The following NRG1 variants were observed in gnomAD, a reference collection of about 807,000 sequenced individuals.
The protein encoded by NRG1 is pro-neuregulin-1, membrane-bound isoform.
A neutral mutation model predicts 63.8 loss-of-function variants in NRG1; 18 were observed. The observed-to-expected ratio is 0.28, with a 90% CI of 0.19 to 0.42. The LOEUF (loss-of-function observed/expected upper bound fraction) is 0.42. Among genes scored for constraint, NRG1 ranks in the 10% least tolerant of loss-of-function variants. The pLI is 1.00. For synonymous variants in NRG1, 302 were observed against 301.3 expected, an observed-to-expected ratio of 1.00 and a Z score of -0.02; for missense variants, 762 against 814.7, an observed-to-expected ratio of 0.94 and a Z score of 0.79.
chr8:32,061,436 T>C (rs1366368857), intron 1 of NRG1, among the ~76,000 whole-genome samples: 1 of 152,024 alleles, frequency 6.6e-6, no homozygotes, highest in Non-Finnish European at 1.5e-5. Context: ...GAGCTTCCTT[T>C]ACCTACCCAA....
chr8:32,664,030 G>A (rs1018783966), intron 5 of NRG1, among the ~76,000 whole-genome samples: 1 of 152,234 alleles, frequency 6.6e-6, no homozygotes, highest in East Asian at 1.9e-4. Context: ...TACCACATAG[G>A]TGTTTGATTC....
At chr8:31,766,510 C>A (rs562396480) in intron 1 of NRG1, among the ~76,000 whole-genome samples, 2 of 152,112 alleles carry the variant, frequency 1.3e-5, no homozygotes, top group South Asian at 4.1e-4. Context: ...ACAACAAGCC[C>A]CTGTGCAAAC....
chr8:32,015,135 C>T (rs911352342), intron 1 of NRG1, among the ~76,000 whole-genome samples: 12 of 152,122 alleles, frequency 7.9e-5, no homozygotes, highest in African/African-American at 2.9e-4. Flanking sequence ...CCCCAGCAAA[C>T]AAATACAGCC....
intron 1 of NRG1, among the ~76,000 whole-genome samples, chr8:32,590,365 CATAG>C (rs1842311562): frequency 6.6e-6 from 1 of 152,102 alleles, no homozygotes; most frequent in Admixed American, 6.6e-5. Context: ...TCTAGAAACA[CATAG>C]AGAGCAAAAT....
chr8:32,657,465 A>G (rs1277169628), intron 5 of NRG1, among the ~76,000 whole-genome samples: 1 of 152,106 alleles, frequency 6.6e-6, no homozygotes, highest in Non-Finnish European at 1.5e-5. Context: ...TATAGAGTAG[A>G]TGGCCCAGAC....
chr8:32,227,522 TA>T (rs769175801), intron 1 of NRG1, among the ~76,000 whole-genome samples: 1 of 152,232 alleles, frequency 6.6e-6, no homozygotes, highest in Admixed American at 6.5e-5. Flanking sequence ...GGTAAACTGT[TA>T]AAGTCTTTGA....
intron 1 of NRG1, among the ~76,000 whole-genome samples, chr8:31,988,991 G>A (rs1038138767): frequency 1.3e-5 from 2 of 151,972 alleles, no homozygotes; most frequent in Non-Finnish European, 2.9e-5. Flanking sequence ...GCTCATGCCT[G>A]TAATCCCAGC....
chr8:31,859,561 C>T (rs561248493), intron 1 of NRG1, among the ~76,000 whole-genome samples: 1 of 152,180 alleles, frequency 6.6e-6, no homozygotes, highest in East Asian at 1.9e-4. Flanking sequence ...TCCCTTTCTA[C>T]AGACATAATT....
chr8:32,468,204 GAGAT>G (rs751776455), intron 1 of NRG1, among the ~76,000 whole-genome samples: 2 of 152,104 alleles, frequency 1.3e-5, no homozygotes, highest in Non-Finnish European at 2.9e-5. Context: ...CCTACTCTTT[GAGAT>G]AGAAAGTTAC....
intron 1 of NRG1, among the ~76,000 whole-genome samples, chr8:32,161,723 C>T (rs1309013566): frequency 6.6e-6 from 1 of 152,212 alleles, no homozygotes; most frequent in East Asian, 1.9e-4. Context: ...AAAGAGGATA[C>T]TCAGGAATCC....
At chr8:31,776,634 AC>A (rs1458209414) in intron 1 of NRG1, among the ~76,000 whole-genome samples, 10 of 151,866 alleles carry the variant, frequency 6.6e-5, no homozygotes, top group Non-Finnish European at 1.3e-4. Flanking sequence ...GGTGTGCTGC[AC>A]CCGTTAACTT....
chr8:32,070,809 A>C (rs541849504), intron 1 of NRG1, among the ~76,000 whole-genome samples: 24 of 152,334 alleles, frequency 1.6e-4, no homozygotes, highest in Non-Finnish European at 3.1e-4. Flanking sequence ...ATAAAGGACC[A>C]GTGGATTTTT....
At chr8:32,708,026 A>G (rs144210854) in intron 5 of NRG1, among the ~76,000 whole-genome samples, 1 of 152,088 alleles carries the variant, frequency 6.6e-6, no homozygotes. Context: ...AAAACAAAAT[A>G]ATAGTGGCAG....
intron 1 of NRG1, 79 bp from the exon 2 acceptor site, chr8:32,595,749 C>T: frequency 7.3e-7 from 1 of 1,371,586 alleles, no homozygotes; most frequent in Non-Finnish European, 9.9e-7. Context: ...CTTGATCAGG[C>T]TAACTCCAGA....
intron 1 of NRG1, among the ~76,000 whole-genome samples, chr8:32,308,897 T>C (rs1856516675): frequency 6.6e-6 from 1 of 152,210 alleles, no homozygotes; most frequent in African/African-American, 2.4e-5. Flanking sequence ...CCTTCCTCTA[T>C]GGCCTGGGGA....
chr8:31,807,684 G>A (rs1223513971), intron 1 of NRG1, among the ~76,000 whole-genome samples: 2 of 152,026 alleles, frequency 1.3e-5, no homozygotes, highest in African/African-American at 4.8e-5. Context: ...TGGATTTCTA[G>A]CATTTGTCTT....
At chr8:32,495,590 G>A (rs915254406) in intron 1 of NRG1, among the ~76,000 whole-genome samples, 1 of 152,068 alleles carries the variant, frequency 6.6e-6, no homozygotes, top group Admixed American at 6.5e-5. Context: ...ACCCTCCCGA[G>A]CAGCTGGGAT....
At chr8:32,422,048 T>C (rs1816761153) in intron 1 of NRG1, among the ~76,000 whole-genome samples, 1 of 152,154 alleles carries the variant, frequency 6.6e-6, no homozygotes, top group Non-Finnish European at 1.5e-5. Context: ...GTGTACATTA[T>C]GTGGATGATG....
At chr8:31,746,125 G>A (rs797005773) in intron 1 of NRG1, among the ~76,000 whole-genome samples, 6 of 151,832 alleles carry the variant, frequency 4.0e-5, no homozygotes, top group African/African-American at 1.4e-4. Context: ...ATAGTTAAAT[G>A]TGTAGGAGGA....
Sources: gnomAD v4.1 joint callset for allele counts (sites outside exome capture counted in the v4.1 genomes callset) on GRCh38, gnomAD v4.1.1 for gene constraint, MANE v1.5 for transcripts, NCBI Gene and HGNC (gene_info 2026-07-23, HGNC 2026-07-21) for gene names.